CACNG6: variants seen among roughly 807,000 people sequenced by gnomAD.
The protein encoded by CACNG6 is voltage-dependent calcium channel gamma-6 subunit.
Under a neutral mutation model 23.9 loss-of-function variants are expected in CACNG6, and 21 were observed. That is an observed-to-expected ratio of 0.88 (90% confidence interval 0.62 to 1.26). The LOEUF (loss-of-function observed/expected upper bound fraction) is 1.26. CACNG6 is among the 50% of genes most tolerant of loss of function. The pLI is 0.00. For synonymous variants in CACNG6, 182 were observed against 168.9 expected (o/e 1.08, Z -0.60); for missense variants, 340 against 352.9 (o/e 0.96, Z 0.29).
At chr19:54,006,622 C>T (rs1033041262) in intron 3 of CACNG6, among the ~76,000 whole-genome samples, 1 of 149,282 alleles carries the variant, frequency 6.7e-6, no homozygotes, top group Non-Finnish European at 1.5e-5. Context: ...CAACCTCCCC[C>T]TCCCGGGTTC....
intron 3 of CACNG6, among the ~76,000 whole-genome samples, chr19:54,005,210 A>AAAATAAAT (rs369829612): frequency 0.36 from 47,760 of 132,466 alleles, 9,299 homozygotes; most frequent in East Asian, 0.45. Context: ...CTCCATCTCA[A>AAAATAAAT]AAATAAATAA....
intron 1 of CACNG6, 23 bp downstream of exon 1, chr19:53,993,231 G>T (rs1365058663): frequency 3.7e-5 from 57 of 1,523,358 alleles, no homozygotes; most frequent in Non-Finnish European, 4.8e-5. Context: ...CGCCCCGAGC[G>T]CAGGGCTTGC....
chr19:54,003,824 C>A (rs2069605498), intron 3 of CACNG6, among the ~76,000 whole-genome samples: 1 of 152,128 alleles, frequency 6.6e-6, no homozygotes. Context: ...CAAGTCCATT[C>A]TCCACAGAGC....
At chr19:53,995,301 A>C (rs1247086049) in intron 1 of CACNG6, among the ~76,000 whole-genome samples, 1 of 152,132 alleles carries the variant, frequency 6.6e-6, no homozygotes, top group Non-Finnish European at 1.5e-5. Context: ...TCAGTCTTCC[A>C]GCAGGGCCAT....
intron 3 of CACNG6, among the ~76,000 whole-genome samples, chr19:54,005,253 T>TA: frequency 1.7e-5 from 1 of 58,204 alleles, no homozygotes; most frequent in East Asian, 7.8e-4. Context: ...AAATAAATAA[T>TA]AATAAAAGAA....
At chr19:53,998,450 G>A (rs933273351) in intron 2 of CACNG6, 137 bp downstream of exon 2, 1 of 670,552 alleles carries the variant, frequency 1.5e-6, no homozygotes, top group Non-Finnish European at 2.6e-6. Context: ...GCTGTCCCCT[G>A]GGGAGTGCTG....
chr19:54,004,449 C>A (rs2069616599), intron 3 of CACNG6, among the ~76,000 whole-genome samples: 1 of 150,864 alleles, frequency 6.6e-6, no homozygotes, highest in South Asian at 2.1e-4. Flanking sequence ...TCCTGATGAC[C>A]TCAGGTGATC....
chr19:54,011,333 C>T (rs933476613), intron 3 of CACNG6, among the ~76,000 whole-genome samples: 1 of 144,566 alleles, frequency 6.9e-6, no homozygotes, highest in Non-Finnish European at 1.5e-5. Context: ...CCCAGCTACT[C>T]GGGAGACTGA....
chr19:54,002,545 C>G (rs1339527991), intron 3 of CACNG6, among the ~76,000 whole-genome samples: 11 of 151,194 alleles, frequency 7.3e-5, no homozygotes, highest in African/African-American at 9.8e-5. Flanking sequence ...CCAGTGAGTC[C>G]CAGATGCTGT....
At chr19:53,995,177 A>C (rs2069508371) in intron 1 of CACNG6, among the ~76,000 whole-genome samples, 1 of 152,090 alleles carries the variant, frequency 6.6e-6, no homozygotes, top group African/African-American at 2.4e-5. Context: ...GTCCATCAAG[A>C]GATCCCAAAG....
At chr19:53,995,463 C>T (rs1032362090) in intron 1 of CACNG6, among the ~76,000 whole-genome samples, 1 of 152,162 alleles carries the variant, frequency 6.6e-6, no homozygotes, top group Admixed American at 6.5e-5. Flanking sequence ...TTACCCTGCA[C>T]TTTTCCAGAT....
rs1321320669 is a variant in CACNG6, at chr19:54,012,180, G to C, written c.774G>C (p.Arg258=). 1.4e-6 allele frequency: 2 copies of C among 1,401,138 alleles called. No individual in the cohort carries two copies. The highest frequency in any genetic ancestry group is 2.6e-5 in the East Asian group (1 of 37,984). The allele number at this position is 1,401,138 out of a possible 1,614,324, so 86.8% of individuals were successfully genotyped here. A position where few individuals can be genotyped will look rare whatever the true frequency, so the allele number is the denominator to read the frequency against. The change falls in exon 4 of 4, where the codon CGG becomes CGC. Residue 258 remains arginine (R), a synonymous_variant. Coordinates refer to ENST00000252729, the MANE Select transcript of CACNG6 (RefSeq NM_145814.2). The part of the protein sequence containing the change: ...WGSLCPKRGH[R]AT The stretch of plus-strand genomic sequence containing the variant: ...CCCTCTGTCCCAAGCGGGGGCACCG[G>C]GCCACCTAGAGCCACGCGTGAGACT...
intron 1 of CACNG6, among the ~76,000 whole-genome samples, chr19:53,993,637 C>A (rs1304967689): frequency 6.7e-6 from 1 of 150,250 alleles, no homozygotes; most frequent in Non-Finnish European, 1.5e-5. Context: ...TGCCCCAAGA[C>A]CATCCTGTAC....
intron 3 of CACNG6, among the ~76,000 whole-genome samples, chr19:54,007,854 C>T (rs1331468570): frequency 2.0e-5 from 3 of 150,950 alleles, no homozygotes; most frequent in South Asian, 2.1e-4. Context: ...GAGCTATGAT[C>T]GCGCCACTGC....
At chr19:54,001,067 CA>C (rs1348563094) in intron 3 of CACNG6, among the ~76,000 whole-genome samples, 1 of 152,226 alleles carries the variant, frequency 6.6e-6, no homozygotes, top group African/African-American at 2.4e-5. Context: ...CAGCTCACTA[CA>C]ACCTCTGCCT....
chr19:54,003,328 G>A (rs940130333), intron 3 of CACNG6, among the ~76,000 whole-genome samples: 5 of 152,170 alleles, frequency 3.3e-5, no homozygotes, highest in South Asian at 2.1e-4. Context: ...TGGAGAAGCC[G>A]CAGGAGCCAG....
At chr19:54,009,386 G>A (rs762221500) in intron 3 of CACNG6, among the ~76,000 whole-genome samples, 7 of 125,482 alleles carry the variant, frequency 5.6e-5, no homozygotes, top group East Asian at 2.2e-4. Context: ...ATGTCACTGC[G>A]TTGCAGTGAG....
intron 1 of CACNG6, among the ~76,000 whole-genome samples, chr19:53,995,016 T>C (rs964104893): frequency 3.9e-5 from 6 of 152,106 alleles, no homozygotes; most frequent in Non-Finnish European, 7.4e-5. Context: ...AGCTAGCCTA[T>C]GAGTCGTTAT....
At chr19:54,002,595 G>T (rs1202589023) in intron 3 of CACNG6, among the ~76,000 whole-genome samples, 2 of 151,746 alleles carry the variant, frequency 1.3e-5, no homozygotes, top group South Asian at 2.1e-4. Context: ...ATAAAATAAA[G>T]ATGATGTTTG....
Sources: gnomAD v4.1 joint callset for allele counts (sites outside exome capture counted in the v4.1 genomes callset) on GRCh38, gnomAD v4.1.1 for gene constraint, MANE v1.5 for transcripts, NCBI Gene and HGNC (gene_info 2026-07-23, HGNC 2026-07-21) for gene names.